Variants in COL5A1 observed in about 807,000 individuals in gnomAD.
COL5A1 encodes the protein collagen type V alpha 1 chain.
A neutral mutation model predicts 263.7 loss-of-function variants in COL5A1; 16 were observed. That is an observed-to-expected ratio of 0.06 (90% CI 0.04 to 0.09). The LOEUF is 0.09. COL5A1 is among the 10% of genes least tolerant of loss of function. COL5A1 has a pLI of 1.00. For synonymous variants in COL5A1, 1,012 were observed against 1,004.5 expected, an observed-to-expected ratio of 1.01 and a Z score of -0.14; for missense variants, 2,036 against 2,540.5, an observed-to-expected ratio of 0.80 and a Z score of 4.27.
intron 64 of COL5A1, among the ~76,000 whole-genome samples, chr9:134,833,151 A>G (rs1839712786): frequency 6.6e-6 from 1 of 152,180 alleles, no homozygotes; most frequent in Non-Finnish European, 1.5e-5. Flanking sequence ...CCCTGCAGAG[A>G]GGGTCCTTCA....
chr9:134,815,803 A>C, intron 51 of COL5A1, 132 bp from the exon 52 acceptor site: 1 of 1,300,748 alleles, frequency 7.7e-7, no homozygotes, highest in Non-Finnish European at 1.1e-6. Flanking sequence ...CTTTGACCCC[A>C]CTGACCATGC....
rs1835897274 is a variant in COL5A1 at position 134,754,317 on chromosome 9, C to CG, written c.1820dup (p.Arg608LysfsTer8). ...GCCCGCCTGGTCCGGCCGGGAAGCCCGGAAGACGGGTGAGTGGTGCGAGTG... is the reference window on the plus strand; with the variant it reads ...GCCCGCCTGGTCCGGCCGGGAAGCCCGGGAAGACGGGTGAGTGGTGCGAGTG... On this transcript the variant is annotated frameshift_variant, in exon 16 of 66. Transcript: ENST00000371817. LOFTEE classifies it high-confidence loss of function. This position sits in a 1 kb window ranked among gnomAD's most constrained non-coding sequence, Gnocchi z 4.3. 6.2e-7 allele frequency: 1 copy of CG among 1,613,916 alleles called. No homozygotes were observed. Among genetic ancestry groups the CG allele is most frequent in the Non-Finnish European group, 8.5e-7 (1 of 1,180,046 alleles).
In COL5A1 at chr9:134,762,011, G is replaced by A. The variant is rs188386906; in HGVS notation, c.1989+33G>A. ...TTCTGCCGTCCCTCCGACTGCTCCT[G>A]CCTGCCCTACTCCTCAGTGATTTGG... On this transcript the variant is annotated intron_variant, in intron 19 of 65. Coordinates refer to ENST00000371817, the MANE Select transcript of COL5A1 (RefSeq NM_000093.5). 13 of 1,607,620 alleles carry A rather than the reference G, an allele frequency of 8.1e-6. No homozygotes were observed. The East Asian group carries it at 2.9e-4, about 36-fold the overall frequency.
chr9:134,713,493 G>A (rs1014587313), intron 4 of COL5A1, among the ~76,000 whole-genome samples: 1 of 152,220 alleles, frequency 6.6e-6, no homozygotes, highest in Non-Finnish European at 1.5e-5. Flanking sequence ...TTACTCTATT[G>A]GTTGACAGAA....
chr9:134,765,617 G>A lies in COL5A1; in HGVS notation c.2035-64G>A. The A allele has an allele frequency of 1.4e-6, 2 of 1,462,184 alleles. No individual in the cohort carries two copies. The highest frequency in any genetic ancestry group is 1.9e-6 in the Non-Finnish European group (2 of 1,042,306). The allele number at this position is 1,462,184 out of a possible 1,614,324, so 90.6% of individuals were successfully genotyped here. A position where few individuals can be genotyped will look rare whatever the true frequency, so the allele number is the denominator to read the frequency against. On this transcript the variant is annotated intron_variant, in intron 20 of 65. Coordinates refer to ENST00000371817, the MANE Select transcript of COL5A1 (RefSeq NM_000093.5). The surrounding 1 kb of genome is among the most constrained non-coding windows in gnomAD (Gnocchi z 5.1). ...GGAGTCAGGGCCAAGTGGGCATAGG[G>A]GACAGAGAGGAGGGCTGGGATTTCT... is the stretch of plus-strand genomic sequence containing the variant.
At chr9:134,685,138 CATCCTCCCATT>C (rs1358500640) in intron 1 of COL5A1, among the ~76,000 whole-genome samples, 7 of 120,200 alleles carry the variant, frequency 5.8e-5, no homozygotes, top group African/African-American at 1.9e-4. Context: ...ATCCATCCAT[CATCCTCCCATT>C]CATCCATCCA....
chr9:134,823,143 C>G, intron 60 of COL5A1, 110 bp downstream of exon 60: 1 of 1,303,330 alleles, frequency 7.7e-7, no homozygotes. Flanking sequence ...TCAGGCCCTG[C>G]TGCTCACGAT....
chr9:134,759,701 C>T (rs1836198844), intron 18 of COL5A1, among the ~76,000 whole-genome samples: 1 of 98,742 alleles, frequency 1.0e-5, no homozygotes, highest in South Asian at 3.7e-4. Context: ...CACATATGCA[C>T]ACATGCACAC....
intron 64 of COL5A1, 27 bp from the exon 65 acceptor site, chr9:134,834,944 T>G: frequency 4.5e-6 from 7 of 1,539,406 alleles, no homozygotes; most frequent in South Asian, 1.1e-5. Flanking sequence ...CCCACCCTGC[T>G]GAGCCCCAAC....
At chr9:134,819,215 A>G (rs914088733) in intron 57 of COL5A1, among the ~76,000 whole-genome samples, 162 bp downstream of exon 57, 7 of 152,146 alleles carry the variant, frequency 4.6e-5, no homozygotes, top group Non-Finnish European at 1.0e-4. Context: ...GAAAATAGAC[A>G]CGCTGTGTTT....
At chr9:134,759,565 GCACACACCACACACCCC>G (rs1836177508) in intron 18 of COL5A1, among the ~76,000 whole-genome samples, 1 of 113,968 alleles carries the variant, frequency 8.8e-6, no homozygotes, top group Non-Finnish European at 1.7e-5. Flanking sequence ...ATACACACAT[GCACACACCACACACCCC>G]CACACATGCA....
In COL5A1 at chr9:134,757,017, G is replaced by C. The variant is rs1216209454; in HGVS notation, c.1881+199G>C. On this transcript the variant is annotated intron_variant, in intron 17 of 65. Transcript: ENST00000371817. The surrounding 1 kb of genome is among the most constrained non-coding windows in gnomAD (Gnocchi z 6.2). ...TGACAGTTGCAGTTCATTTTCATAAGGGAGAAATTTGCTCCCTTCCAGCAG... is the reference window on the plus strand; with the variant it reads ...TGACAGTTGCAGTTCATTTTCATAACGGAGAAATTTGCTCCCTTCCAGCAG... 6.6e-6 allele frequency among the ~76,000 whole-genome samples: 1 copy of C among 152,136 alleles called. No homozygotes were observed. The highest frequency in any genetic ancestry group is 1.9e-4 in the East Asian group (1 of 5,176).
chr9:134,654,474 G>A (rs1396916171), intron 1 of COL5A1, among the ~76,000 whole-genome samples: 1 of 125,334 alleles, frequency 8.0e-6, no homozygotes, highest in East Asian at 2.8e-4. Context: ...CTGGAGGTGT[G>A]TAGGGCTGGA....
intron 1 of COL5A1, among the ~76,000 whole-genome samples, chr9:134,667,096 A>C (rs777907042): frequency 6.6e-6 from 1 of 152,166 alleles, no homozygotes; most frequent in Admixed American, 6.5e-5. Context: ...ACATGAAGGA[A>C]ATTGCCAGGA....
Position 134,696,750 on chromosome 9 carries a change from T to C in COL5A1, c.278-3159T>C, listed in dbSNP as rs1833484617. 6.6e-6 allele frequency among the ~76,000 whole-genome samples: 1 copy of C among 152,156 alleles called. No individual in the cohort carries two copies. Among genetic ancestry groups the C allele is most frequent in the Non-Finnish European group, 1.5e-5 (1 of 68,040 alleles). On this transcript the variant is annotated intron_variant, in intron 2 of 65. Coordinates refer to ENST00000371817, the MANE Select transcript of COL5A1 (RefSeq NM_000093.5). The surrounding 1 kb of genome is among the most constrained non-coding windows in gnomAD (Gnocchi z 4.3). The stretch of plus-strand genomic sequence containing the variant: ...CTACTGCATACCTAAAATGCTCTAG[T>C]GCCTTTGGACTTCAGCAGAAGTAAA...
chr9:134,776,615 GC>G (rs1372079933), intron 27 of COL5A1, among the ~76,000 whole-genome samples: 2 of 152,244 alleles, frequency 1.3e-5, no homozygotes, highest in Non-Finnish European at 2.9e-5. Context: ...GATTGCGTGG[GC>G]CGAGCTGCCG....
At chr9:134,655,824 G>A (rs1053841294) in intron 1 of COL5A1, among the ~76,000 whole-genome samples, 1 of 152,160 alleles carries the variant, frequency 6.6e-6, no homozygotes, top group Non-Finnish European at 1.5e-5. Context: ...CCTATGGCAC[G>A]TGGGCTTGTC....
chr9:134,796,606 TCGACC>T (rs1837918859), intron 35 of COL5A1, among the ~76,000 whole-genome samples, 188 bp downstream of exon 35: 1 of 152,164 alleles, frequency 6.6e-6, no homozygotes, highest in Admixed American at 6.5e-5. Context: ...GTCAGGGGCC[TCGACC>T]GCAGCCCTGG....
At chr9:134,824,881 G>GC (rs780454752) in intron 62 of COL5A1, 26 bp downstream of exon 62, 10 of 1,596,182 alleles carry the variant, frequency 6.3e-6, no homozygotes, top group Admixed American at 1.7e-5. Flanking sequence ...GGCAGGGGTG[G>GC]CCCCCCAAAG....
Sources: allele counts gnomAD v4.1 joint callset (sites outside exome capture counted in the v4.1 genomes callset), GRCh38; gene constraint gnomAD v4.1.1; non-coding constraint Gnocchi (gnomAD v3.1); transcripts MANE v1.5; gene names NCBI Gene and HGNC (gene_info 2026-07-23, HGNC 2026-07-21).